The following HEPHL1 variants were observed in gnomAD, a reference collection of about 807,000 sequenced individuals.
HEPHL1 encodes the protein hephaestin like 1, also known as ferroxidase HEPHL1.
HEPHL1 carries 123 observed loss-of-function variants against 122.0 expected under a neutral mutation model. The ratio of observed to expected loss-of-function variants is 1.01; its 90% confidence interval spans 0.87 to 1.17. HEPHL1 has a LOEUF of 1.17. Among genes scored for constraint, HEPHL1 ranks in the 50% most tolerant of loss-of-function variants. HEPHL1 has a pLI of 0.00. For missense variants in HEPHL1, 1,452 were observed against 1,430.5 expected (o/e 1.01, Z -0.24); for synonymous variants, 527 against 508.9 (o/e 1.04, Z -0.48).
intron 2 of HEPHL1, among the ~76,000 whole-genome samples, chr11:94,057,462 C>T (rs754432866): frequency 1.2e-4 from 19 of 152,088 alleles, no homozygotes; most frequent in African/African-American, 3.6e-4. Context: ...CTATTTCCCC[C>T]ACCTCTCTTT....
intron 10 of HEPHL1, among the ~76,000 whole-genome samples, chr11:94,083,172 A>G (rs1031404036): frequency 2.0e-5 from 3 of 152,226 alleles, no homozygotes; most frequent in Non-Finnish European, 4.4e-5. Context: ...CCTTGGGTTC[A>G]CAATAACATT....
At chr11:94,110,784 C>G (rs761288760) in intron 17 of HEPHL1, 119 bp from the exon 18 acceptor site, 1 of 709,930 alleles carries the variant, frequency 1.4e-6, no homozygotes, top group Non-Finnish European at 2.3e-6. Context: ...GATTCCTGCT[C>G]TTTCTTATGT....
intron 11 of HEPHL1, among the ~76,000 whole-genome samples, chr11:94,087,179 A>G (rs1041722261): frequency 1.4e-4 from 22 of 152,292 alleles, no homozygotes; most frequent in African/African-American, 5.1e-4. Context: ...TACTCAAATC[A>G]AGAGATGCCT....
chr11:94,096,278 C>T (rs187086408), intron 13 of HEPHL1, among the ~76,000 whole-genome samples: 6 of 152,282 alleles, frequency 3.9e-5, no homozygotes, highest in African/African-American at 1.4e-4. Context: ...TTGAGATAAT[C>T]ACGTGGTTTT....
chr11:94,075,414 T>G (rs1463851478), intron 9 of HEPHL1, 29 bp downstream of exon 9: 7 of 1,555,874 alleles, frequency 4.5e-6, no homozygotes, highest in Non-Finnish European at 6.1e-6. Context: ...CCAGTTCTTC[T>G]CAGGGTTGTA....
chr11:94,112,856 C>A lies in HEPHL1; in HGVS notation c.*962C>A, dbSNP rs1258985349. ...AGAGGGAATCTTTACAAGTCCTCAT[C>A]TTCTATGAAATTATAACATTCTCAT... On this transcript the variant is annotated 3_prime_UTR_variant, in exon 20 of 20. Coordinates refer to ENST00000315765, the MANE Select transcript of HEPHL1 (RefSeq NM_001098672.2). 1 of 152,098 alleles carries A rather than the reference C, an allele frequency of 6.6e-6. No homozygotes were observed. The highest frequency in any genetic ancestry group is 1.5e-5 in the Non-Finnish European group (1 of 68,018). 9.4% of individuals were successfully genotyped at this position (152,098 alleles called of 1,614,324 possible).
At chr11:94,098,671 T>A (rs1177493446) in intron 13 of HEPHL1, among the ~76,000 whole-genome samples, 1 of 152,266 alleles carries the variant, frequency 6.6e-6, no homozygotes, top group Non-Finnish European at 1.5e-5. Context: ...AGATTTGGTC[T>A]TTTCACATAG....
At chr11:94,103,354 T>C in intron 15 of HEPHL1, among the ~76,000 whole-genome samples, 1 of 149,756 alleles carries the variant, frequency 6.7e-6, no homozygotes, top group African/African-American at 2.5e-5. Flanking sequence ...AATGTTTCAA[T>C]TACCAAATTT....
intron 5 of HEPHL1, among the ~76,000 whole-genome samples, chr11:94,069,481 G>A (rs1015086942): frequency 2.6e-5 from 4 of 151,866 alleles, no homozygotes; most frequent in African/African-American, 9.7e-5. Context: ...TTCACATTTT[G>A]GTGAATATCT....
chr11:94,046,274 T>C (rs1945837524), intron 2 of HEPHL1, among the ~76,000 whole-genome samples: 1 of 151,294 alleles, frequency 6.6e-6, no homozygotes, highest in Non-Finnish European at 1.5e-5. Context: ...TTTGTATTTT[T>C]AGTAGAGAAA....
intron 1 of HEPHL1, among the ~76,000 whole-genome samples, chr11:94,028,204 T>C (rs939703806): frequency 3.3e-5 from 5 of 152,224 alleles, no homozygotes; most frequent in Non-Finnish European, 7.3e-5. Flanking sequence ...ATGCATGTTT[T>C]GCTTCCCAAC....
At position 94,111,994 on chromosome 11, in the gene HEPHL1, T is replaced by C. The variant is rs1387050852; in HGVS notation, c.*100T>C. 2 of 779,508 alleles carry C rather than the reference T, an allele frequency of 2.6e-6. No individual in the cohort carries two copies. The highest frequency in any genetic ancestry group is 2.0e-6 in the Non-Finnish European group (1 of 507,132). 48.3% of individuals were successfully genotyped at this position (779,508 alleles called of 1,614,324 possible). Reference sequence around the variant, plus strand: ...CCAAGGCATCACTCACCAAGGAAGGTTGACACTGTATCCTGGATCAGCCTT... The same window carrying C: ...CCAAGGCATCACTCACCAAGGAAGGCTGACACTGTATCCTGGATCAGCCTT... On this transcript the variant is annotated 3_prime_UTR_variant, in exon 20 of 20. Coordinates refer to ENST00000315765, the MANE Select transcript of HEPHL1 (RefSeq NM_001098672.2).
chr11:94,070,200 G>A (rs1591477057), intron 5 of HEPHL1, among the ~76,000 whole-genome samples, 174 bp from the exon 6 acceptor site: 1 of 152,078 alleles, frequency 6.6e-6, no homozygotes, highest in African/African-American at 2.4e-5. Context: ...TTTGTCATAT[G>A]TGTCACAAAT....
intron 13 of HEPHL1, among the ~76,000 whole-genome samples, chr11:94,099,488 C>T (rs1301964099): frequency 1.3e-5 from 2 of 152,172 alleles, no homozygotes; most frequent in Non-Finnish European, 2.9e-5. Flanking sequence ...GCAGTCTGAC[C>T]ATTCTCAGAT....
At chr11:94,023,275 G>A (rs761705620) in intron 1 of HEPHL1, among the ~76,000 whole-genome samples, 2 of 152,244 alleles carry the variant, frequency 1.3e-5, no homozygotes, top group Non-Finnish European at 2.9e-5. Flanking sequence ...GGAAGCCAAG[G>A]ATCACAGTAA....
intron 1 of HEPHL1, among the ~76,000 whole-genome samples, chr11:94,042,786 TAGTG>T (rs1379224639): frequency 4.3e-5 from 6 of 139,754 alleles, no homozygotes; most frequent in African/African-American, 7.9e-5. Context: ...GATGACGAGT[TAGTG>T]GGTGCAGCGC....
At position 94,057,289 on chromosome 11, in the gene HEPHL1, T is replaced by G. The variant is rs1945945374; in HGVS notation, c.416-6219T>G. 2.0e-5 allele frequency among the ~76,000 whole-genome samples: 3 copies of G among 152,134 alleles called. No homozygotes were observed. In the South Asian group the frequency reaches 6.2e-4, roughly 31 times the overall value. On this transcript the variant is annotated intron_variant, in intron 2 of 19. Coordinates refer to ENST00000315765, the MANE Select transcript of HEPHL1 (RefSeq NM_001098672.2). The stretch of plus-strand genomic sequence containing the variant: ...TCATTAGGCTTCTTTGATGTGTAGG[T>G]TAATGTTTTTCATCAAATTTGGGAA...
chr11:94,025,252 A>C (rs1454891735), intron 1 of HEPHL1, among the ~76,000 whole-genome samples: 4 of 152,174 alleles, frequency 2.6e-5, no homozygotes, highest in African/African-American at 9.7e-5. Context: ...CTATTTAGAA[A>C]TACTTTCTCC....
intron 2 of HEPHL1, among the ~76,000 whole-genome samples, chr11:94,051,553 AG>A (rs1210180086): frequency 2.0e-5 from 3 of 152,016 alleles, no homozygotes; most frequent in Non-Finnish European, 4.4e-5. Flanking sequence ...AATCCCAGAT[AG>A]GTAGTTTGCA....
Sources: allele counts gnomAD v4.1 joint callset (sites outside exome capture counted in the v4.1 genomes callset), GRCh38; gene constraint gnomAD v4.1.1; transcripts MANE v1.5; gene names NCBI Gene and HGNC (gene_info 2026-07-23, HGNC 2026-07-21).